The following TGS1 variants were observed in gnomAD, a reference collection of about 807,000 sequenced individuals.
The protein encoded by TGS1 is trimethylguanosine synthase.
TGS1 carries 69 observed loss-of-function variants against 92.2 expected under a neutral mutation model. That is an observed-to-expected ratio of 0.75 (90% CI 0.62 to 0.91). The LOEUF (loss-of-function observed/expected upper bound fraction) is 0.91, where lower values mean the gene tolerates loss of function less well. Among genes scored for constraint, TGS1 ranks in the 40% least tolerant of loss-of-function variants. The pLI is 0.00. For missense variants in TGS1, 1,062 were observed against 1,001.2 expected (o/e 1.06, Z -0.82); for synonymous variants, 345 against 338.1 (o/e 1.02, Z -0.22).
chr8:55,810,438 A>AGAAGTTGTC (rs1319855149), intron 10 of TGS1, among the ~76,000 whole-genome samples: 1 of 152,140 alleles, frequency 6.6e-6, no homozygotes. Context: ...GGTTTTCCTT[A>AGAAGTTGTC]GAAGTTGTCG....
intron 4 of TGS1, among the ~76,000 whole-genome samples, chr8:55,789,519 A>G (rs1270515415): frequency 1.3e-5 from 2 of 152,126 alleles, no homozygotes; most frequent in African/African-American, 2.4e-5. Flanking sequence ...GGCAGCTATG[A>G]AGAAGTAGTT....
intron 1 of TGS1, among the ~76,000 whole-genome samples, chr8:55,777,825 C>G (rs978153278): frequency 6.6e-6 from 1 of 152,128 alleles, no homozygotes. Context: ...GTGTGGCTAC[C>G]ATTATGTTGA....
chr8:55,783,049 G>A (rs1289270772), intron 2 of TGS1, among the ~76,000 whole-genome samples: 1 of 152,138 alleles, frequency 6.6e-6, no homozygotes, highest in East Asian at 1.9e-4. Context: ...CTCTTTTGCT[G>A]TGTGTAGTGT....
chr8:55,773,945 A>T (rs1255938271), intron 1 of TGS1, among the ~76,000 whole-genome samples: 1 of 152,230 alleles, frequency 6.6e-6, no homozygotes, highest in Non-Finnish European at 1.5e-5. Flanking sequence ...CTATGAAAAA[A>T]TGTCGTAGGT....
chr8:55,816,449 T>C (rs62516861), intron 12 of TGS1, among the ~76,000 whole-genome samples: 23,732 of 152,184 alleles, frequency 0.16, 2,199 homozygotes, highest in African/African-American at 0.26. Flanking sequence ...TCTGCTGGTC[T>C]GTTTGATATG....
Position 55,774,810 on chromosome 8 carries a change from C to G in TGS1, c.101+1091C>G, listed in dbSNP as rs144170016. Among the ~76,000 whole-genome samples, 246 of 152,258 alleles carry G rather than the reference C, an allele frequency of 1.6e-3. 1 individual carries two copies. The highest frequency in any genetic ancestry group is 5.7e-3 in the African/African-American group (238 of 41,548). ...TGAAAACAAATAACTTTCCAAGGGT[C>G]ACAGAGGTTTCTTTGAGGAAGTAGC... is the stretch of plus-strand genomic sequence containing the variant. On this transcript the variant is annotated intron_variant, in intron 1 of 12. Transcript: ENST00000260129.
chr8:55,797,868 C>T (rs1812103280), intron 7 of TGS1, among the ~76,000 whole-genome samples: 1 of 152,092 alleles, frequency 6.6e-6, no homozygotes. Context: ...ATACAGTGTC[C>T]TCCCTAACTT....
In TGS1 at chr8:55,799,141, C is replaced by T. The variant is rs772085192; in HGVS notation, c.1770C>T (p.Asp590=). ...GELETENYER[D]SLLATVPDEQ... is the part of the protein sequence containing the mutation. ...TTGAAACAGAAAACTATGAAAGAGA[C>T]AGCTTGCTAGCAACTGTTCCAGATG... Residue 590 remains aspartate (D), a synonymous_variant, in exon 8 of 13, where the codon GAC becomes GAT. Transcript: ENST00000260129. 2 of 1,614,032 alleles carry T rather than the reference C, an allele frequency of 1.2e-6. No homozygotes were observed. The highest frequency in any genetic ancestry group is 1.3e-5 in the African/African-American group (1 of 74,914).
At chr8:55,805,100 T>C (rs1812330362) in intron 10 of TGS1, 64 bp downstream of exon 10, 1 of 1,426,922 alleles carries the variant, frequency 7.0e-7, no homozygotes, top group Non-Finnish European at 9.7e-7. Context: ...TGTTTCCATT[T>C]TGCTACAGCC....
At chr8:55,805,959 T>G (rs1033996892) in intron 10 of TGS1, among the ~76,000 whole-genome samples, 2 of 137,168 alleles carry the variant, frequency 1.5e-5, no homozygotes, top group African/African-American at 5.2e-5. Context: ...CTACTCAGGC[T>G]GAGATGAGAG....
At chr8:55,814,114 G>GT (rs754060442) in intron 12 of TGS1, among the ~76,000 whole-genome samples, 2 of 151,846 alleles carry the variant, frequency 1.3e-5, no homozygotes, top group South Asian at 4.2e-4. Context: ...TGCCCAGCTA[G>GT]TTTTTTTATT....
chr8:55,782,825 A>G lies in TGS1; in HGVS notation c.166+13A>G, dbSNP rs772846859. On this transcript the variant is annotated intron_variant, in intron 2 of 12. Coordinates refer to ENST00000260129, the MANE Select transcript of TGS1 (RefSeq NM_024831.8). ...GGCAACAATTCAGGTAATATAGTATAAAATTCTATAAACCTTTTTTGCTGA... is the reference window on the plus strand; with the variant it reads ...GGCAACAATTCAGGTAATATAGTATGAAATTCTATAAACCTTTTTTGCTGA... 1.9e-6 allele frequency: 3 copies of G among 1,551,426 alleles called. No individual in the cohort carries two copies. The South Asian group carries it at 3.5e-5, about 18-fold the overall frequency.
chr8:55,773,658 C>A lies in TGS1; in HGVS notation c.40C>A (p.Leu14Ile), dbSNP rs749831575. 6.2e-7 allele frequency: 1 copy of A among 1,611,404 alleles called. No homozygotes were observed. The highest frequency in any genetic ancestry group is 8.5e-7 in the Non-Finnish European group (1 of 1,178,992). Residue 14 changes from leucine to isoleucine, a missense_variant, in exon 1 of 13, where the codon CTC becomes ATC. Coordinates refer to ENST00000260129, the MANE Select transcript of TGS1 (RefSeq NM_024831.8). Reference protein sequence around the residue: ...EKWSRVAEMFLFIEEREDCKI... With the variant: ...EKWSRVAEMFIFIEEREDCKI... Reference sequence around the variant, plus strand: ...GTGGAGCCGCGTGGCGGAAATGTTTCTCTTCATTGAGGAGCGGGAGGATTG... The same window carrying A: ...GTGGAGCCGCGTGGCGGAAATGTTTATCTTCATTGAGGAGCGGGAGGATTG...
chr8:55,815,951 A>T (rs1040158248), intron 12 of TGS1, among the ~76,000 whole-genome samples: 32 of 148,098 alleles, frequency 2.2e-4, no homozygotes, highest in African/African-American at 5.6e-4. Flanking sequence ...TATTTATTTT[A>T]TTTATTTATT....
intron 1 of TGS1, among the ~76,000 whole-genome samples, chr8:55,779,865 C>CT (rs1292773841): frequency 2.0e-5 from 3 of 146,948 alleles, no homozygotes; most frequent in African/African-American, 5.1e-5. Context: ...CATATGTATT[C>CT]TTTTTTTTCC....
intron 6 of TGS1, 124 bp downstream of exon 6, chr8:55,792,908 T>A (rs952720349): frequency 6.1e-6 from 4 of 651,890 alleles, no homozygotes. Context: ...AAATCACTTC[T>A]TGTTAGAATT....
chr8:55,808,535 GTC>G (rs1239021451), intron 10 of TGS1, among the ~76,000 whole-genome samples: 12 of 140,344 alleles, frequency 8.6e-5, no homozygotes, highest in African/African-American at 3.2e-4. Flanking sequence ...TTGAGATGGA[GTC>G]TCACTCTGTC....
Position 55,811,083 on chromosome 8 carries a change from G to A in TGS1, c.2346G>A (p.Met782Ile). ...ATAETFDIRT[M>I]MSPDGFEIFR... is the part of the protein sequence containing the mutation. ...CAGAGACCTTTGACATTAGAACAAT[G>A]ATGTCTCCTGATGGATATCCTTTGG... The change falls in exon 11 of 13, where the codon ATG becomes ATA. Residue 782 changes from methionine (M) to isoleucine (I), a missense_variant. Physicochemically the swap from Met to Ile is conservative, Grantham distance 10 (BLOSUM62 1). Transcript: ENST00000260129. 1 of 1,561,124 alleles carries A rather than the reference G, an allele frequency of 6.4e-7. No individual in the cohort carries two copies. The highest frequency in any genetic ancestry group is 8.7e-7 in the Non-Finnish European group (1 of 1,145,580).
chr8:55,814,213 G>A (rs1296906549), intron 12 of TGS1, among the ~76,000 whole-genome samples: 2 of 152,040 alleles, frequency 1.3e-5, no homozygotes, highest in Non-Finnish European at 2.9e-5. Flanking sequence ...CTCCCTAAGT[G>A]CTGGGATTAT....
Sources: gnomAD v4.1 joint callset for allele counts (sites outside exome capture counted in the v4.1 genomes callset) on GRCh38, gnomAD v4.1.1 for gene constraint, MANE v1.5 for transcripts, NCBI Gene and HGNC (gene_info 2026-07-23, HGNC 2026-07-21) for gene names.